The following ZNF423 variants were observed in gnomAD, a reference collection of about 807,000 sequenced individuals.
ZNF423 encodes the protein zinc finger protein 423.
In ZNF423, 12 loss-of-function variants were observed where a neutral mutation model predicts 95.8. That is an observed-to-expected ratio of 0.13 (90% CI 0.08 to 0.20). The LOEUF (loss-of-function observed/expected upper bound fraction) is 0.20, where lower values mean the gene tolerates loss of function less well. Among genes scored for constraint, ZNF423 ranks in the 10% least tolerant of loss-of-function variants. The pLI, the probability that ZNF423 is intolerant of heterozygous loss-of-function variation, is 1.00. For synonymous variants in ZNF423, 749 were observed against 711.9 expected (o/e 1.05, Z -0.83); for missense variants, 1,316 against 1,737.1 (o/e 0.76, Z 4.31).
chr16:49,563,350 A>C (rs1428724269), intron 5 of ZNF423, among the ~76,000 whole-genome samples: 7 of 152,150 alleles, frequency 4.6e-5, no homozygotes, highest in Admixed American at 1.3e-4. Flanking sequence ...CTTCCCTCTT[A>C]TCCTATGAGT....
intron 5 of ZNF423, among the ~76,000 whole-genome samples, chr16:49,540,940 T>G (rs1321035742): frequency 5.9e-5 from 9 of 152,182 alleles, no homozygotes; most frequent in Non-Finnish European, 1.3e-4. Context: ...GGGGTCCCAG[T>G]GGCCCTCTGT....
At chr16:49,778,196 T>C (rs1418413381) in intron 2 of ZNF423, among the ~76,000 whole-genome samples, 1 of 152,172 alleles carries the variant, frequency 6.6e-6, no homozygotes, top group Non-Finnish European at 1.5e-5. Context: ...TGTGAGAGTG[T>C]GTGTGTGTGT....
At position 49,730,817 on chromosome 16, in the gene ZNF423, C is replaced by A. The variant is rs755507056; in HGVS notation, c.255G>T (p.Glu85Asp). Reference sequence around the variant, plus strand: ...GGTGGTCCGTCAGGTCTGCCAGAGACTCGAAGTCCTGCTGACAGTGATCGC... The same window carrying A: ...GGTGGTCCGTCAGGTCTGCCAGAGAATCGAAGTCCTGCTGACAGTGATCGC... The part of the protein sequence containing the change: ...YTCDHCQQDF[E>D]SLADLTDHRA... The change falls in exon 3 of 8, where the codon GAG becomes GAT. Residue 85 changes from glutamate to aspartate, a missense_variant. By Grantham distance (45) the Glu-to-Asp change is conservative. Around this residue, in one of 6 missense-constraint regions of ZNF423, gnomAD observed 155 missense variants for 170.8 expected, o/e 0.91. Transcript: ENST00000563137. 2 of 1,614,200 alleles carry A rather than the reference C, an allele frequency of 1.2e-6. No individual in the cohort carries two copies. Among genetic ancestry groups the A allele is most frequent in the Admixed American group, 1.7e-5 (1 of 60,020 alleles).
chr16:49,602,193 C>T (rs1207540145), intron 5 of ZNF423, among the ~76,000 whole-genome samples: 1 of 152,234 alleles, frequency 6.6e-6, no homozygotes, highest in Admixed American at 6.5e-5. Flanking sequence ...GAGTCCAGTT[C>T]ATCACTGCCT....
chr16:49,768,671 C>T (rs2033974342), intron 2 of ZNF423, among the ~76,000 whole-genome samples: 1 of 152,102 alleles, frequency 6.6e-6, no homozygotes, highest in South Asian at 2.1e-4. Context: ...CCTTCAATGC[C>T]GATGTCCCAA....
At position 49,530,813 on chromosome 16, in the gene ZNF423, G is replaced by A. The variant is rs556345521; in HGVS notation, c.3602-5319C>T. ...CTTAGAGAGGCAGGGCCCCTAACAG[G>A]GATGTGGCAGGGCAGAGCAGGGCAG... On this transcript the variant is annotated intron_variant, in intron 5 of 7. Transcript: ENST00000563137. Among the ~76,000 whole-genome samples the A allele has an allele frequency of 2.6e-5, 4 of 152,184 alleles. No homozygotes were observed. In the South Asian group the frequency reaches 6.2e-4, roughly 24 times the overall value.
intron 1 of ZNF423, among the ~76,000 whole-genome samples, chr16:49,852,345 T>C (rs9674434): frequency 0.025 from 3,817 of 152,224 alleles, 145 homozygotes; most frequent in African/African-American, 0.087. Flanking sequence ...TTAAAATTAT[T>C]CAAAAGTTTT....
upstream of ZNF423, among the ~76,000 whole-genome samples, chr16:49,857,022 T>G (rs2035379175): frequency 2.0e-5 from 3 of 148,652 alleles, no homozygotes. The surrounding 1 kb of genome is among the most constrained non-coding windows in gnomAD (Gnocchi z 6.2). Flanking sequence ...CCCGCCAGCC[T>G]CCCTCGCGCT....
intron 3 of ZNF423, among the ~76,000 whole-genome samples, chr16:49,669,286 G>T (rs550072095): frequency 6.6e-6 from 1 of 150,676 alleles, no homozygotes; most frequent in Non-Finnish European, 1.5e-5. Flanking sequence ...CTGAGTTCGC[G>T]CCATTGCACT....
At chr16:49,540,854 G>T (rs1969223514) in intron 5 of ZNF423, among the ~76,000 whole-genome samples, 1 of 152,270 alleles carries the variant, frequency 6.6e-6, no homozygotes, top group African/African-American at 2.4e-5. Context: ...ATCCAGAGCT[G>T]AGAAAAGTAG....
At chr16:49,508,513 TAAAAAAAAAAAA>T (rs35061120) in intron 7 of ZNF423, among the ~76,000 whole-genome samples, 1 of 101,896 alleles carries the variant, frequency 9.8e-6, no homozygotes, top group Non-Finnish European at 1.9e-5. Context: ...TTCTCTTTCT[TAAAAAAAAAAAA>T]AAAAAAAAAA....
intron 2 of ZNF423, among the ~76,000 whole-genome samples, chr16:49,766,365 T>A (rs1030220822): frequency 6.6e-6 from 1 of 152,222 alleles, no homozygotes; most frequent in Non-Finnish European, 1.5e-5. Context: ...CTCCTCTCCC[T>A]GCTCACACAG....
chr16:49,493,265 T>A (rs1453817069), intron 7 of ZNF423, among the ~76,000 whole-genome samples: 3 of 152,074 alleles, frequency 2.0e-5, no homozygotes, highest in Non-Finnish European at 4.4e-5. Context: ...ACCAAGCTGC[T>A]CTTTGAGTCC....
chr16:49,620,388 G>A (rs1278214854), intron 5 of ZNF423, among the ~76,000 whole-genome samples: 4 of 152,136 alleles, frequency 2.6e-5, no homozygotes, highest in Non-Finnish European at 5.9e-5. Flanking sequence ...CAGGAGGCAG[G>A]AGGGGTTGAT....
Position 49,492,843 on chromosome 16 carries a change from G to T in ZNF423, c.3850-1539C>A, listed in dbSNP as rs1021862700. ...GGAAGGCAAAAATTACAGGCCCAAG[G>T]TCACCCAGGTTGGAAGCACCGGGCA... On this transcript the variant is annotated intron_variant, in intron 7 of 7. Transcript: ENST00000563137. This position sits in a 1 kb window ranked among gnomAD's most constrained non-coding sequence, Gnocchi z 4.2. Among the ~76,000 whole-genome samples, 4 of 152,168 alleles carry T rather than the reference G, an allele frequency of 2.6e-5. No homozygotes were observed. Among genetic ancestry groups the T allele is most frequent in the Non-Finnish European group, 4.4e-5 (3 of 68,030 alleles).
chr16:49,789,463 T>C, intron 2 of ZNF423, 24 bp downstream of exon 2: 1 of 1,609,300 alleles, frequency 6.2e-7, no homozygotes, highest in Non-Finnish European at 8.5e-7. Flanking sequence ...CCTGCAACTC[T>C]TCCACCAGCC....
At chr16:49,773,314 A>G (rs137959605) in intron 2 of ZNF423, among the ~76,000 whole-genome samples, 4,067 of 152,086 alleles carry the variant, frequency 0.027, 85 homozygotes, top group Non-Finnish European at 0.041. Context: ...GCAAGACTCC[A>G]TCTCACAAAA....
chr16:49,513,999 G>A (rs769211483), intron 7 of ZNF423, among the ~76,000 whole-genome samples: 11 of 151,874 alleles, frequency 7.2e-5, no homozygotes, highest in Non-Finnish European at 1.5e-4. Context: ...GGCAGTGGCC[G>A]TCTGTCCTGC....
Position 49,855,428 on chromosome 16 carries a change from C to G in ZNF423, c.40+307G>C, listed in dbSNP as rs1169093869. On this transcript the variant is annotated intron_variant, in intron 1 of 7. Transcript: ENST00000563137. The surrounding 1 kb of genome is among the most constrained non-coding windows in gnomAD (Gnocchi z 4.7). ...CCCGCACGGAGGGAGCGGCAAGGGCCCCTTAGCGGCGCCCCCAGGCCTGGG... is the reference window on the plus strand; with the variant it reads ...CCCGCACGGAGGGAGCGGCAAGGGCGCCTTAGCGGCGCCCCCAGGCCTGGG... Among the ~76,000 whole-genome samples, 2 of 150,946 alleles carry G rather than the reference C, an allele frequency of 1.3e-5. No individual in the cohort carries two copies. Among genetic ancestry groups the G allele is most frequent in the African/African-American group, 4.9e-5 (2 of 41,026 alleles).
Sources: gnomAD v4.1 joint callset for allele counts (sites outside exome capture counted in the v4.1 genomes callset) on GRCh38, gnomAD v4.1.1 for gene constraint, gnomAD v4.1.1 regional missense constraint, Gnocchi (gnomAD v3.1) non-coding constraint, MANE v1.5 for transcripts, NCBI Gene and HGNC (gene_info 2026-07-23, HGNC 2026-07-21) for gene names.